ANO10: variants seen among roughly 807,000 people sequenced by gnomAD.
The protein encoded by ANO10 is anoctamin-10.
Under a neutral mutation model 74.7 loss-of-function variants are expected in ANO10, and 77 were observed. The ratio of observed to expected loss-of-function variants is 1.03; its 90% CI spans 0.86 to 1.25. ANO10 has a LOEUF of 1.25. Ranked by LOEUF, ANO10 falls within the 50% of genes most tolerant of loss-of-function variation. ANO10 has a pLI of 0.00. For missense variants in ANO10, 721 were observed against 778.1 expected (o/e 0.93, Z 0.87); for synonymous variants, 279 against 284.9 (o/e 0.98, Z 0.21).
At chr3:43,399,172 T>C (rs1659867981) in intron 12 of ANO10, among the ~76,000 whole-genome samples, 2 of 152,224 alleles carry the variant, frequency 1.3e-5, no homozygotes, top group South Asian at 4.1e-4. Flanking sequence ...GCGAAACACT[T>C]AGAACAGTGT....
intron 11 of ANO10, among the ~76,000 whole-genome samples, chr3:43,488,321 G>C (rs1361578401): frequency 6.6e-6 from 1 of 150,626 alleles, no homozygotes; most frequent in Non-Finnish European, 1.5e-5. Context: ...TGACAAATGG[G>C]ATCTAATTAA....
chr3:43,641,887 T>A (rs1237926986), intron 1 of ANO10, among the ~76,000 whole-genome samples: 1 of 152,142 alleles, frequency 6.6e-6, no homozygotes, highest in African/African-American at 2.4e-5. Context: ...AGGGATTGCT[T>A]GGTGTAATAA....
intron 11 of ANO10, among the ~76,000 whole-genome samples, chr3:43,543,221 C>T (rs1177380248): frequency 6.6e-6 from 1 of 152,092 alleles, no homozygotes; most frequent in Non-Finnish European, 1.5e-5. Flanking sequence ...ATCAGTGAAT[C>T]CTGATAAAGA....
At chr3:43,581,042 T>TTTAG (rs2081242706) in intron 4 of ANO10, among the ~76,000 whole-genome samples, 1 of 152,104 alleles carries the variant, frequency 6.6e-6, no homozygotes, top group Non-Finnish European at 1.5e-5. Flanking sequence ...TTTGTACAAA[T>TTTAG]ACCTTTCCCT....
At chr3:43,604,174 G>A (rs1273880514) in intron 2 of ANO10, among the ~76,000 whole-genome samples, 2 of 151,836 alleles carry the variant, frequency 1.3e-5, no homozygotes, top group Non-Finnish European at 2.9e-5. Flanking sequence ...CTCAGATCAG[G>A]GTAGTTAGCA....
intron 1 of ANO10, among the ~76,000 whole-genome samples, chr3:43,677,208 C>A (rs1389129469): frequency 1.3e-5 from 2 of 152,138 alleles, no homozygotes; most frequent in Non-Finnish European, 2.9e-5. Context: ...CAGGTGGAAG[C>A]CATCTTCCTA....
intron 1 of ANO10, among the ~76,000 whole-genome samples, chr3:43,633,638 T>C (rs181460319): frequency 2.6e-5 from 4 of 152,354 alleles, no homozygotes; most frequent in Non-Finnish European, 1.5e-5. Flanking sequence ...TTCTGAATCA[T>C]GAGTGTCAAG....
At position 43,366,698 on chromosome 3, in the gene ANO10, G is replaced by A; in HGVS notation, c.*208C>T. ...AAGGAACTGGGAAGGAGCAGACAGG[G>A]TGGGGCTGGGGGAACTGCCAAGGAT... On this transcript the variant is annotated 3_prime_UTR_variant, in exon 13 of 13. Coordinates refer to ENST00000292246, the MANE Select transcript of ANO10 (RefSeq NM_018075.5). 3 of 628,200 alleles carry A rather than the reference G, an allele frequency of 4.8e-6. No individual in the cohort carries two copies. The highest frequency in any genetic ancestry group is 8.6e-6 in the Non-Finnish European group (3 of 348,930). 38.9% of individuals were successfully genotyped at this position (628,200 alleles called of 1,614,324 possible). A position where few individuals can be genotyped will look rare whatever the true frequency, so the allele number is the denominator to read the frequency against.
At chr3:43,651,817 G>C (rs943140672) in intron 1 of ANO10, among the ~76,000 whole-genome samples, 11 of 152,198 alleles carry the variant, frequency 7.2e-5, no homozygotes, top group African/African-American at 2.4e-4. Flanking sequence ...GTTCAATCAA[G>C]TTCAAAACTT....
chr3:43,645,932 C>T (rs1047726451), intron 1 of ANO10, among the ~76,000 whole-genome samples: 4 of 152,070 alleles, frequency 2.6e-5, no homozygotes, highest in Admixed American at 2.0e-4. Flanking sequence ...CTCAGCCTCC[C>T]GAGTAACTGG....
chr3:43,577,923 CA>C (rs2081089792), intron 5 of ANO10, among the ~76,000 whole-genome samples: 1 of 152,158 alleles, frequency 6.6e-6, no homozygotes, highest in South Asian at 2.1e-4. Context: ...GAACTCAACA[CA>C]AGCTAAATGA....
intron 2 of ANO10, among the ~76,000 whole-genome samples, chr3:43,605,430 A>T (rs1299857356): frequency 6.6e-6 from 1 of 152,192 alleles, no homozygotes; most frequent in African/African-American, 2.4e-5. Flanking sequence ...CCTACTATGC[A>T]CCAAACAGTG....
intron 12 of ANO10, among the ~76,000 whole-genome samples, chr3:43,416,781 C>T (rs35452882): frequency 0.016 from 2,501 of 152,300 alleles, 33 homozygotes; most frequent in Non-Finnish European, 0.021. Context: ...CCATCCATTC[C>T]CAGCCTCTTA....
chr3:43,686,141 C>T (rs1310394153), intron 1 of ANO10, among the ~76,000 whole-genome samples: 7 of 152,144 alleles, frequency 4.6e-5, no homozygotes, highest in African/African-American at 1.2e-4. Context: ...TTCAACTATG[C>T]GGAGCTCTCA....
chr3:43,519,517 G>A (rs17075750), intron 11 of ANO10, among the ~76,000 whole-genome samples: 3,607 of 152,270 alleles, frequency 0.024, 147 homozygotes, highest in African/African-American at 0.081. Flanking sequence ...CCAACTTTCT[G>A]ATGTCCATTC....
At chr3:43,447,433 T>C (rs934236664) in intron 11 of ANO10, among the ~76,000 whole-genome samples, 1 of 152,236 alleles carries the variant, frequency 6.6e-6, no homozygotes, top group African/African-American at 2.4e-5. Context: ...TTCAGTTTAG[T>C]TTCCACTTGC....
chr3:43,566,240 G>A (rs1198437438), intron 7 of ANO10, among the ~76,000 whole-genome samples: 1 of 152,196 alleles, frequency 6.6e-6, no homozygotes, highest in Non-Finnish European at 1.5e-5. Flanking sequence ...AAACTGCAAG[G>A]CGGCAGCGAG....
intron 7 of ANO10, among the ~76,000 whole-genome samples, chr3:43,568,449 A>C: frequency 6.6e-6 from 1 of 152,118 alleles, no homozygotes; most frequent in Non-Finnish European, 1.5e-5. Context: ...AGCACTCCTC[A>C]GCAAATGTAA....
chr3:43,566,195 A>G (rs2149362860), intron 7 of ANO10, among the ~76,000 whole-genome samples: 1 of 152,288 alleles, frequency 6.6e-6, no homozygotes, highest in South Asian at 2.1e-4. Flanking sequence ...ACGCCCACGG[A>G]GTCTCGCTGA....
Sources: allele counts gnomAD v4.1 joint callset (sites outside exome capture counted in the v4.1 genomes callset), GRCh38; gene constraint gnomAD v4.1.1; transcripts MANE v1.5; gene names NCBI Gene and HGNC (gene_info 2026-07-23, HGNC 2026-07-21).